Variants in FSTL5 observed in about 807,000 individuals in gnomAD.
The protein encoded by FSTL5 is follistatin like 5, also known as follistatin-related protein 5.
In FSTL5, 62 loss-of-function variants were observed where a neutral mutation model predicts 89.1. The observed-to-expected ratio is 0.70, with a 90% CI of 0.57 to 0.86. FSTL5 has a LOEUF of 0.86. FSTL5 is among the 40% of genes least tolerant of loss of function. The pLI is 0.00. For synonymous variants in FSTL5, 383 were observed against 346.2 expected, an observed-to-expected ratio of 1.11 and a Z score of -1.18; for missense variants, 1,057 against 1,001.6, an observed-to-expected ratio of 1.06 and a Z score of -0.75.
At chr4:161,915,666 G>A (rs905794894) in intron 4 of FSTL5, among the ~76,000 whole-genome samples, 39 of 152,218 alleles carry the variant, frequency 2.6e-4, no homozygotes, top group African/African-American at 8.9e-4. Flanking sequence ...TGGAAACACT[G>A]TGTGACAGTA....
intron 2 of FSTL5, among the ~76,000 whole-genome samples, chr4:162,036,393 A>G (rs1560984015): frequency 6.6e-6 from 1 of 151,966 alleles, no homozygotes; most frequent in Non-Finnish European, 1.5e-5. Context: ...GAGATAATAA[A>G]CCTCAAATTT....
chr4:161,944,970 A>G (rs1560929598), intron 3 of FSTL5, among the ~76,000 whole-genome samples: 1 of 151,970 alleles, frequency 6.6e-6, no homozygotes, highest in Admixed American at 6.6e-5. Context: ...CATTTTGGGA[A>G]AATTACACAG....
chr4:161,884,940 A>G (rs990746800), intron 4 of FSTL5, among the ~76,000 whole-genome samples: 9 of 152,164 alleles, frequency 5.9e-5, no homozygotes, highest in African/African-American at 2.2e-4. Context: ...ATTGCTCTTC[A>G]TCTCAATTTT....
chr4:161,862,607 C>G (rs1159005867), intron 4 of FSTL5, among the ~76,000 whole-genome samples: 3 of 152,234 alleles, frequency 2.0e-5, no homozygotes, highest in Non-Finnish European at 4.4e-5. Flanking sequence ...TGGTGCGCAC[C>G]TGTAGTCCCA....
At chr4:161,425,853 T>C (rs1410905725) in intron 15 of FSTL5, among the ~76,000 whole-genome samples, 1 of 152,142 alleles carries the variant, frequency 6.6e-6, no homozygotes, top group Non-Finnish European at 1.5e-5. Flanking sequence ...CCAAATTCTG[T>C]TCTCTCTCTT....
chr4:161,704,971 G>C (rs1738520673), intron 6 of FSTL5, among the ~76,000 whole-genome samples: 1 of 151,952 alleles, frequency 6.6e-6, no homozygotes, highest in African/African-American at 2.4e-5. Flanking sequence ...TTAAAACCCT[G>C]ACATCTGTTA....
chr4:161,458,556 G>A (rs1305617206), intron 14 of FSTL5, among the ~76,000 whole-genome samples: 1 of 151,990 alleles, frequency 6.6e-6, no homozygotes, highest in East Asian at 1.9e-4. Flanking sequence ...GTTAAGAGGG[G>A]GATATTCAAG....
chr4:161,835,500 A>G (rs976344267), intron 4 of FSTL5, among the ~76,000 whole-genome samples: 4 of 152,084 alleles, frequency 2.6e-5, no homozygotes, highest in African/African-American at 9.7e-5. Flanking sequence ...AGAAACTACC[A>G]TCAGAGTGAA....
intron 3 of FSTL5, among the ~76,000 whole-genome samples, chr4:161,937,380 A>G (rs912730283): frequency 6.6e-6 from 1 of 152,162 alleles, no homozygotes; most frequent in African/African-American, 2.4e-5. Context: ...AATTATTAAA[A>G]TATTTCCCAG....
chr4:161,680,240 C>T (rs1189243964), intron 6 of FSTL5, among the ~76,000 whole-genome samples: 1 of 151,814 alleles, frequency 6.6e-6, no homozygotes, highest in Non-Finnish European at 1.5e-5. Context: ...TAACAGGATA[C>T]AAAGTGCAAT....
Position 161,654,196 on chromosome 4 carries a change from T to C in FSTL5, c.894+2132A>G, listed in dbSNP as rs80248008. Reference sequence around the variant, plus strand: ...AATTTCTCAGATCCATGTACAAGAATGTGTCCACTTTTGCAAGTTGTCCAG... The same window carrying C: ...AATTTCTCAGATCCATGTACAAGAACGTGTCCACTTTTGCAAGTTGTCCAG... On this transcript the variant is annotated intron_variant, in intron 7 of 15. Transcript: ENST00000306100. 2.7e-3 allele frequency among the ~76,000 whole-genome samples: 416 copies of C among 152,228 alleles called. 17 individuals are homozygous for C. In the East Asian group the frequency reaches 0.062, roughly 23 times the overall value.
chr4:162,047,947 A>T (rs539229831), intron 2 of FSTL5, among the ~76,000 whole-genome samples: 1 of 152,302 alleles, frequency 6.6e-6, no homozygotes, highest in South Asian at 2.1e-4. Context: ...TGGCAGGTAC[A>T]TAGTAAAGGT....
At chr4:161,806,671 G>A (rs1729976596) in intron 4 of FSTL5, among the ~76,000 whole-genome samples, 1 of 152,092 alleles carries the variant, frequency 6.6e-6, no homozygotes, top group African/African-American at 2.4e-5. Context: ...AATAAATTAT[G>A]CTTTTTGCAA....
At chr4:161,863,242 A>G (rs1215307655) in intron 4 of FSTL5, among the ~76,000 whole-genome samples, 2 of 152,224 alleles carry the variant, frequency 1.3e-5, no homozygotes, top group Non-Finnish European at 2.9e-5. Flanking sequence ...AGATGTAAAC[A>G]GTGTATAATC....
At chr4:161,969,615 C>T (rs986010) in intron 3 of FSTL5, among the ~76,000 whole-genome samples, 49,947 of 151,898 alleles carry the variant, frequency 0.33, 9,900 homozygotes, top group Non-Finnish European at 0.43. Context: ...AAAACAAAAA[C>T]GAACTCATCC....
intron 7 of FSTL5, among the ~76,000 whole-genome samples, chr4:161,615,927 T>G (rs574491558): frequency 6.6e-6 from 1 of 152,302 alleles, no homozygotes; most frequent in Non-Finnish European, 1.5e-5. Context: ...TTCATTTTTC[T>G]TCTGCCAAAA....
At chr4:161,920,377 G>T in intron 4 of FSTL5, 27 bp downstream of exon 4, 1 of 1,603,550 alleles carries the variant, frequency 6.2e-7, no homozygotes, top group South Asian at 1.1e-5. Context: ...AGAGTGGGGT[G>T]ACACTTAAGG....
chr4:161,500,637 T>A (rs1730262474), intron 11 of FSTL5, among the ~76,000 whole-genome samples: 1 of 152,156 alleles, frequency 6.6e-6, no homozygotes, highest in Admixed American at 6.6e-5. Context: ...TTAAACTAAT[T>A]TTTGTCAAAA....
chr4:161,623,449 T>C (rs1317115975), intron 7 of FSTL5, among the ~76,000 whole-genome samples: 1 of 151,966 alleles, frequency 6.6e-6, no homozygotes, highest in African/African-American at 2.4e-5. Context: ...AATGAAATAT[T>C]TGTACTCAAA....
Sources: allele counts gnomAD v4.1 joint callset (sites outside exome capture counted in the v4.1 genomes callset), GRCh38; gene constraint gnomAD v4.1.1; transcripts MANE v1.5; gene names NCBI Gene and HGNC (gene_info 2026-07-23, HGNC 2026-07-21).